NDOR1: variants seen among roughly 807,000 people sequenced by gnomAD.
NDOR1 encodes NADPH-dependent diflavin oxidoreductase 1.
A neutral mutation model predicts 67.2 loss-of-function variants in NDOR1; 61 were observed. The ratio of observed to expected loss-of-function variants is 0.91; its 90% confidence interval spans 0.74 to 1.12. The LOEUF (loss-of-function observed/expected upper bound fraction) is 1.12, where lower values mean the gene tolerates loss of function less well. Among genes scored for constraint, NDOR1 ranks in the 50% most tolerant of loss-of-function variants. NDOR1 has a pLI of 0.00. For synonymous variants in NDOR1, 378 were observed against 343.7 expected (o/e 1.10, Z -1.10); for missense variants, 878 against 802.8 (o/e 1.09, Z -1.13).
rs781393448 is a variant in NDOR1 at position 137,215,496 on chromosome 9, G to C, written c.1263G>C (p.Trp421Cys). ...CCCGCCGGGGCCTCTGCTCCTCCTG[G>C]CTGGCATCCCTGGACCCTGGGCAAG... ...KEPRRGLCSS[W>C]LASLDPGQGP... Residue 421 changes from tryptophan to cysteine, a missense_variant, in exon 10 of 14, where the codon TGG (tryptophan) becomes TGC (cysteine). By Grantham distance (215) the Trp-to-Cys change is radical. Transcript: ENST00000684003. 1 of 1,613,356 alleles carries C rather than the reference G, an allele frequency of 6.2e-7. No individual in the cohort carries two copies. Among genetic ancestry groups the C allele is most frequent in the Non-Finnish European group, 8.5e-7 (1 of 1,179,992 alleles).
At chr9:137,209,667 C>T (rs998336312) in intron 2 of NDOR1, among the ~76,000 whole-genome samples, 4 of 152,188 alleles carry the variant, frequency 2.6e-5, no homozygotes, top group Non-Finnish European at 4.4e-5. Context: ...CCATCCACAG[C>T]GAAACAGGAA....
At position 137,218,598 on chromosome 9, in the gene NDOR1, G is replaced by A. The variant is rs577305963; in HGVS notation, c.*2182G>A. 2.8e-4 allele frequency: 110 copies of A among 398,802 alleles called. No individual in the cohort carries two copies. Among genetic ancestry groups the A allele is most frequent in the Middle Eastern group, 6.3e-4 (1 of 1,590 alleles). 24.7% of individuals were successfully genotyped at this position (398,802 alleles called of 1,614,324 possible). On this transcript the variant is annotated 3_prime_UTR_variant, in exon 14 of 14. Coordinates refer to ENST00000684003, the MANE Select transcript of NDOR1 (RefSeq NM_014434.4). ...TTCGTGCTCCTGGACCGCTCTGGCC[G>A]CTGAGCAGAGCCCAGGACAGCCCCG...
intron 3 of NDOR1, 143 bp from the exon 4 acceptor site, chr9:137,213,637 A>T (rs751161362): frequency 1.2e-6 from 1 of 811,348 alleles, no homozygotes; most frequent in Non-Finnish European, 2.0e-6. Flanking sequence ...GGGTGCGGCC[A>T]GCGTGGAGTG....
rs374739819 is a variant in NDOR1 at position 137,210,579 on chromosome 9, G to T, written c.214-1923G>T. ...GAAGACGCTGGGCACAGTGGCTCAAGCCTGGAATCCCAGCGCTTTGAGAAG... is the reference window on the plus strand; with the variant it reads ...GAAGACGCTGGGCACAGTGGCTCAATCCTGGAATCCCAGCGCTTTGAGAAG... On this transcript the variant is annotated intron_variant, in intron 2 of 13. Coordinates refer to ENST00000684003, the MANE Select transcript of NDOR1 (RefSeq NM_014434.4). Among the ~76,000 whole-genome samples the T allele has an allele frequency of 1.6e-4, 25 of 152,276 alleles. No individual in the cohort carries two copies. The East Asian group carries it at 2.1e-3, about 13-fold the overall frequency.
At chr9:137,206,196 G>A (rs1588785941) in intron 1 of NDOR1, 36 bp from the exon 2 acceptor site, 1 of 1,612,706 alleles carries the variant, frequency 6.2e-7, no homozygotes. Context: ...GGTCCTTACA[G>A]CCGGAGGTCT....
chr9:137,214,866 A>T lies in NDOR1; in HGVS notation c.913A>T (p.Ile305Phe), dbSNP rs144580113. 7.3e-4 allele frequency: 1,182 copies of T among 1,610,678 alleles called. 5 individuals carry two copies. Among genetic ancestry groups the T allele is most frequent in the South Asian group, 6.7e-3 (606 of 91,086 alleles). ...MRHLVSHYLDIASVPRRSFFE... is the reference protein window; with the variant it reads ...MRHLVSHYLDFASVPRRSFFE... The stretch of plus-strand genomic sequence containing the variant: ...GCACCTCGTGTCCCACTACCTGGAC[A>T]TCGCCAGCGTGCCTCGCCGCTCCTT... The change falls in exon 8 of 14, where the codon ATC becomes TTC. Residue 305 changes from isoleucine (I) to phenylalanine (F), a missense_variant. Physicochemically the swap from Ile to Phe is conservative, Grantham distance 21. Coordinates refer to ENST00000684003, the MANE Select transcript of NDOR1 (RefSeq NM_014434.4).
intron 13 of NDOR1, 33 bp from the exon 14 acceptor site, chr9:137,216,239 C>T: frequency 6.2e-7 from 1 of 1,612,878 alleles, no homozygotes; most frequent in Non-Finnish European, 8.5e-7. Flanking sequence ...GAGTGCCAGG[C>T]CTCATTGCGC....
Position 137,214,885 on chromosome 9 carries a change from G to T in NDOR1, c.932G>T (p.Arg311Leu). 1 of 1,611,816 alleles carries T rather than the reference G, an allele frequency of 6.2e-7. No homozygotes were observed. Residue 311 changes from arginine (R) to leucine (L), a missense_variant, in exon 8 of 14, where the codon CGC becomes CTC. Transcript: ENST00000684003. ...HYLDIASVPR[R>L]SFFELLACLS... ...CTGGACATCGCCAGCGTGCCTCGCC[G>T]CTCCTTCTTCGAACTCCTGGCCTGT...
At position 137,214,619 on chromosome 9, in the gene NDOR1, C is replaced by T. The variant is rs1435593136; in HGVS notation, c.772C>T (p.His258Tyr). ...VLIQPSNSAA[H>Y]VQRFCQVLGL... Reference sequence around the variant, plus strand: ...GATTCAGCCCTCCAACTCGGCTGCCCATGTCCAGCGGTTCTGCCAGGTGCT... The same window carrying T: ...GATTCAGCCCTCCAACTCGGCTGCCTATGTCCAGCGGTTCTGCCAGGTGCT... The change falls in exon 7 of 14, where the codon CAT (histidine) becomes TAT (tyrosine). Residue 258 changes from histidine (H) to tyrosine (Y), a missense_variant. By Grantham distance (83) the His-to-Tyr change is moderately conservative. Coordinates refer to ENST00000684003, the MANE Select transcript of NDOR1 (RefSeq NM_014434.4). 6.2e-7 allele frequency: 1 copy of T among 1,610,464 alleles called. No homozygotes were observed. The highest frequency in any genetic ancestry group is 1.1e-5 in the South Asian group (1 of 91,082).
At chr9:137,208,974 G>A (rs910323642) in intron 2 of NDOR1, among the ~76,000 whole-genome samples, 6 of 152,054 alleles carry the variant, frequency 3.9e-5, no homozygotes, top group African/African-American at 2.4e-5. Flanking sequence ...ACTGCCTCCC[G>A]GGTTCGCGCC....
At chr9:137,208,148 A>G (rs1342024002) in intron 2 of NDOR1, among the ~76,000 whole-genome samples, 1 of 146,644 alleles carries the variant, frequency 6.8e-6, no homozygotes, top group Non-Finnish European at 1.5e-5. Flanking sequence ...TCTGTCAAAA[A>G]AAAAAAAAAA....
intron 2 of NDOR1, among the ~76,000 whole-genome samples, chr9:137,206,966 TGTGAAAA>T: frequency 6.6e-6 from 1 of 151,964 alleles, no homozygotes; most frequent in Non-Finnish European, 1.5e-5. Context: ...ATTTGGTTTG[TGTGAAAA>T]GTGGAAAGCA....
chr9:137,214,862 G>T lies in NDOR1; in HGVS notation c.909G>T (p.Leu303=). Residue 303 remains leucine, a synonymous_variant, in exon 8 of 14, where the codon CTG becomes CTT. Transcript: ENST00000684003. ...CSMRHLVSHY[L]DIASVPRRSF... is the part of the protein sequence containing the mutation. Reference sequence around the variant, plus strand: ...TGCGGCACCTCGTGTCCCACTACCTGGACATCGCCAGCGTGCCTCGCCGCT... The same window carrying T: ...TGCGGCACCTCGTGTCCCACTACCTTGACATCGCCAGCGTGCCTCGCCGCT... The T allele has an allele frequency of 6.2e-7, 1 of 1,610,456 alleles. No homozygotes were observed.
At position 137,216,132 on chromosome 9, in the gene NDOR1, G is replaced by A. The variant is rs753421672; in HGVS notation, c.1593G>A (p.Leu531=). The change falls in exon 13 of 14, where the codon CTG becomes CTA. Residue 531 remains leucine, a synonymous_variant. Transcript: ENST00000684003. ...ATGTGCAGCACCGGCTCCGGGAGCTGGGGTCGCTTGTGTGGGAACTGCTGG... is the reference window on the plus strand; with the variant it reads ...ATGTGCAGCACCGGCTCCGGGAGCTAGGGTCGCTTGTGTGGGAACTGCTGG... ...KVYVQHRLRE[L]GSLVWELLDR... 1.9e-6 allele frequency: 3 copies of A among 1,613,454 alleles called. No individual in the cohort carries two copies. The highest frequency in any genetic ancestry group is 4.5e-5 in the East Asian group (2 of 44,888).
In NDOR1 at chr9:137,214,260, AG is replaced by A; in HGVS notation, c.573del (p.Gln192SerfsTer3). The A allele has an allele frequency of 6.2e-7, 1 of 1,613,386 alleles. No homozygotes were observed. Among genetic ancestry groups the A allele is most frequent in the African/African-American group, 1.3e-5 (1 of 74,970 alleles). Reference protein sequence around the residue: ...FLQEAPSTGSEGQRVAHPGSQ... With the variant: ...FLQEAPSTGSXGQRVAHPGSQ... ...CAAGAGGCACCCAGCACGGGCTCTG[AG>A]GGGCAGCGGGTAGCTCACCCCGGCT... is the stretch of plus-strand genomic sequence containing the variant. On this transcript the variant is annotated frameshift_variant, in exon 6 of 14. Transcript: ENST00000684003. LOFTEE classifies it high-confidence loss of function.
In NDOR1 at chr9:137,218,406, G is replaced by A. The variant is rs942972126; in HGVS notation, c.*1990G>A. The A allele has an allele frequency of 5.0e-6, 2 of 398,130 alleles. No individual in the cohort carries two copies. Among genetic ancestry groups the A allele is most frequent in the South Asian group, 1.3e-4 (1 of 7,866 alleles). The allele number at this position is 398,130 out of a possible 1,614,324, so 24.7% of individuals were successfully genotyped here. ...TTCCTGGCAGGGCCCGTGGGCGGCC[G>A]GGGCTGCCTGCCCTTCCTGCCCTGT... On this transcript the variant is annotated 3_prime_UTR_variant, in exon 14 of 14. Coordinates refer to ENST00000684003, the MANE Select transcript of NDOR1 (RefSeq NM_014434.4).
At position 137,208,325 on chromosome 9, in the gene NDOR1, C is replaced by T. The variant is rs368461379; in HGVS notation, c.213+2016C>T. Among the ~76,000 whole-genome samples, 847 of 151,870 alleles carry T rather than the reference C, an allele frequency of 5.6e-3. 5 individuals are homozygous for T. The highest frequency in any genetic ancestry group is 0.019 in the African/African-American group (784 of 41,402). ...AACTAGCCGGATGTGGTGGCGGGCA[C>T]CTGTAGTCCCAGCTACTCGGGAGGC... is the stretch of plus-strand genomic sequence containing the variant. On this transcript the variant is annotated intron_variant, in intron 2 of 13. Transcript: ENST00000684003.
chr9:137,213,802 C>A lies in NDOR1; in HGVS notation c.334C>A (p.Leu112Met). 2 of 1,612,674 alleles carry A rather than the reference C, an allele frequency of 1.2e-6. No homozygotes were observed. The highest frequency in any genetic ancestry group is 1.7e-6 in the Non-Finnish European group (2 of 1,179,632). Residue 112 changes from leucine to methionine, a missense_variant, in exon 4 of 14, where the codon CTG becomes ATG. Leu to Met is a conservative substitution (Grantham distance 15). Transcript: ENST00000684003. Reference protein sequence around the residue: ...YAKFNFVAKKLHRRLLQLGGS... With the variant: ...YAKFNFVAKKMHRRLLQLGGS... The stretch of plus-strand genomic sequence containing the variant: ...CAGGTTCAACTTCGTGGCCAAGAAG[C>A]TGCACCGACGGCTACTGCAGCTTGG...
intron 3 of NDOR1, among the ~76,000 whole-genome samples, chr9:137,213,311 A>G (rs1163221048): frequency 2.6e-5 from 4 of 152,300 alleles, no homozygotes; most frequent in Non-Finnish European, 5.9e-5. Flanking sequence ...CAGCGTTCCC[A>G]GGGAGGAGCG....
Sources: allele counts gnomAD v4.1 joint callset (sites outside exome capture counted in the v4.1 genomes callset), GRCh38; gene constraint gnomAD v4.1.1; transcripts MANE v1.5; gene names NCBI Gene and HGNC (gene_info 2026-07-23, HGNC 2026-07-21).